Variants in AGBL1 observed in about 807,000 individuals in gnomAD.
AGBL1 encodes cytosolic carboxypeptidase 4.
In AGBL1, 130 loss-of-function variants were observed where a neutral mutation model predicts 118.9. That is an observed-to-expected ratio of 1.09 (90% CI 0.95 to 1.26). AGBL1 has a LOEUF of 1.26. AGBL1 is among the 50% of genes most tolerant of loss of function. AGBL1 has a pLI of 0.00. For missense variants in AGBL1, 1,584 were observed against 1,298.1 expected (o/e 1.22, Z -3.38); for synonymous variants, 555 against 478.9 (o/e 1.16, Z -2.08).
At chr15:86,608,562 G>A (rs1482102355) in intron 21 of AGBL1, among the ~76,000 whole-genome samples, 1 of 152,156 alleles carries the variant, frequency 6.6e-6, no homozygotes, top group Non-Finnish European at 1.5e-5. Flanking sequence ...TAGAGGCAAA[G>A]CAAAGGAGGC....
chr15:86,554,890 A>G (rs2083711492), intron 21 of AGBL1, among the ~76,000 whole-genome samples: 1 of 152,180 alleles, frequency 6.6e-6, no homozygotes, highest in African/African-American at 2.4e-5. Flanking sequence ...CAAGTGGACT[A>G]GTTCTATGTA....
chr15:86,087,313 C>A lies in AGBL1; in HGVS notation c.51+7290C>A, dbSNP rs188954893. Among the ~76,000 whole-genome samples the A allele has an allele frequency of 2.0e-5, 3 of 149,834 alleles. No individual in the cohort carries two copies. The South Asian group carries it at 6.3e-4, about 32-fold the overall frequency. On this transcript the variant is annotated intron_variant, in intron 1 of 22. Transcript: ENST00000614907. ...GGAGCTATGCAAAGTTTTTCACATG[C>A]ATTGTCTCATTTAATGGGCTTTTTT...
At chr15:86,484,885 A>G (rs560031091) in intron 18 of AGBL1, among the ~76,000 whole-genome samples, 2 of 152,278 alleles carry the variant, frequency 1.3e-5, no homozygotes, top group South Asian at 2.1e-4. Context: ...CACTTGAAAT[A>G]GTTTCCCGGA....
chr15:86,871,319 A>G (rs1017531721), intron 22 of AGBL1, among the ~76,000 whole-genome samples: 4 of 152,108 alleles, frequency 2.6e-5, no homozygotes, highest in Non-Finnish European at 5.9e-5. Flanking sequence ...CTTGACCTCA[A>G]CCTGTCAACC....
intron 23 of AGBL1, among the ~76,000 whole-genome samples, chr15:86,932,233 T>A (rs1285741560): frequency 6.6e-6 from 1 of 152,196 alleles, no homozygotes; most frequent in Non-Finnish European, 1.5e-5. Context: ...TAATGTATAA[T>A]GTAAAATTCC....
intron 23 of AGBL1, among the ~76,000 whole-genome samples, chr15:86,973,937 C>CGTTT: frequency 7.2e-6 from 1 of 139,674 alleles, no homozygotes; most frequent in Non-Finnish European, 1.5e-5. Flanking sequence ...TAAATATAAA[C>CGTTT]ATATTTAATA....
intron 22 of AGBL1, among the ~76,000 whole-genome samples, chr15:86,879,750 CTCTT>C (rs1294149033): frequency 6.6e-6 from 1 of 152,174 alleles, no homozygotes; most frequent in Non-Finnish European, 1.5e-5. Context: ...CACGAAACGG[CTCTT>C]TATTTAGCTC....
chr15:86,376,087 T>A (rs2081038121), intron 17 of AGBL1, among the ~76,000 whole-genome samples: 1 of 152,138 alleles, frequency 6.6e-6, no homozygotes, highest in Admixed American at 6.5e-5. Flanking sequence ...GCTAGAGAGG[T>A]GCCAAGGTTT....
intron 23 of AGBL1, among the ~76,000 whole-genome samples, chr15:86,983,968 T>C (rs993587164): frequency 6.6e-6 from 1 of 152,172 alleles, no homozygotes; most frequent in Admixed American, 6.5e-5. Context: ...TCTTATTAAT[T>C]TGGATCCTAA....
chr15:86,546,010 T>C lies in AGBL1; in HGVS notation c.2694T>C (p.Cys898=). 1 of 1,612,824 alleles carries C rather than the reference T, an allele frequency of 6.2e-7. No individual in the cohort carries two copies. ...SSIGRSPVVF[C]DFHGHSQKKN... ...TTGTTGGGCTATTGTAGGTTTTCTG[T>C]GACTTCCATGGCCACTCCCAAAAGA... The change falls in exon 20 of 23, where the codon TGT becomes TGC. Residue 898 remains cysteine, a synonymous_variant. Transcript: ENST00000614907.
At chr15:86,418,157 C>T (rs188988976) in intron 18 of AGBL1, among the ~76,000 whole-genome samples, 7 of 152,130 alleles carry the variant, frequency 4.6e-5, no homozygotes, top group Admixed American at 6.5e-5. Context: ...ACAAGAATTT[C>T]TTTTATCTTT....
At chr15:87,016,676 G>A (rs980371414) in intron 24 of AGBL1, among the ~76,000 whole-genome samples, 2 of 152,102 alleles carry the variant, frequency 1.3e-5, no homozygotes, top group African/African-American at 4.8e-5. Context: ...CAAACATCTC[G>A]ACCCACAGAG....
intron 23 of AGBL1, among the ~76,000 whole-genome samples, chr15:86,961,658 C>G (rs1422061486): frequency 6.6e-6 from 1 of 152,064 alleles, no homozygotes; most frequent in Non-Finnish European, 1.5e-5. Context: ...CAACCCAAAA[C>G]TCAGGACCTC....
In AGBL1 at chr15:86,615,895, G is replaced by A. The variant is rs1220525542; in HGVS notation, c.2995-58378G>A. Among the ~76,000 whole-genome samples the A allele has an allele frequency of 6.6e-6, 1 of 151,378 alleles. No homozygotes were observed. The highest frequency in any genetic ancestry group is 6.6e-5 in the Admixed American group (1 of 15,198). ...TGTTGGGGTTATACATACATTGATA[G>A]GGGGCATCAATATAAGAAAAGATGT... On this transcript the variant is annotated intron_variant, in intron 21 of 22. Coordinates refer to ENST00000614907, the MANE Select transcript of AGBL1 (RefSeq NM_001386094.1). The surrounding 1 kb of genome is among the most constrained non-coding windows in gnomAD (Gnocchi z 4.3).
chr15:86,492,573 G>A (rs1443177345), intron 18 of AGBL1, among the ~76,000 whole-genome samples: 2 of 144,292 alleles, frequency 1.4e-5, no homozygotes, highest in South Asian at 2.2e-4. Flanking sequence ...CTGGGTGAAA[G>A]AGCGAGACTC....
intron 24 of AGBL1, among the ~76,000 whole-genome samples, chr15:87,019,884 A>T (rs1314857982): frequency 6.6e-6 from 1 of 152,054 alleles, no homozygotes; most frequent in East Asian, 1.9e-4. Context: ...TAGACTAATA[A>T]AGAAGAAAGA....
chr15:86,918,581 T>G (rs1200521986), downstream of AGBL1, among the ~76,000 whole-genome samples: 1 of 151,684 alleles, frequency 6.6e-6, no homozygotes, highest in Middle Eastern at 3.4e-3. Flanking sequence ...ATTTTCCGAG[T>G]CTTATTTTCA....
At chr15:86,672,579 C>G (rs769477167) in intron 21 of AGBL1, among the ~76,000 whole-genome samples, 2 of 152,110 alleles carry the variant, frequency 1.3e-5, no homozygotes, top group Non-Finnish European at 2.9e-5. Context: ...AGGTGGCTGA[C>G]TGAGCAGGCA....
At chr15:86,512,000 G>A (rs115598689) in intron 18 of AGBL1, among the ~76,000 whole-genome samples, 3 of 151,880 alleles carry the variant, frequency 2.0e-5, no homozygotes, top group African/African-American at 7.2e-5. Context: ...TAACAAAAAG[G>A]TTTTGAGCAC....
Sources: allele counts gnomAD v4.1 joint callset (sites outside exome capture counted in the v4.1 genomes callset), GRCh38; gene constraint gnomAD v4.1.1; non-coding constraint Gnocchi (gnomAD v3.1); transcripts MANE v1.5; gene names NCBI Gene and HGNC (gene_info 2026-07-23, HGNC 2026-07-21).